Variants in RGS9 observed in about 807,000 individuals in gnomAD.
RGS9 encodes the protein regulator of G protein signaling 9, also known as regulator of G-protein signalling 9.
RGS9 carries 78 observed loss-of-function variants against 102.0 expected under a neutral mutation model. That is an observed-to-expected ratio of 0.76 (90% CI 0.64 to 0.92). RGS9 has a LOEUF of 0.92. Among genes scored for constraint, RGS9 ranks in the 40% least tolerant of loss-of-function variants. The pLI, the probability that RGS9 is intolerant of heterozygous loss-of-function variation, is 0.00. For synonymous variants in RGS9, 353 were observed against 318.6 expected (o/e 1.11, Z -1.15); for missense variants, 833 against 866.1 (o/e 0.96, Z 0.48).
intron 17 of RGS9, among the ~76,000 whole-genome samples, chr17:65,214,073 C>T (rs1444492440): frequency 2.6e-5 from 4 of 152,166 alleles, no homozygotes; most frequent in African/African-American, 9.7e-5. Context: ...GCAATTCGCT[C>T]ATCTCAGCTT....
intron 1 of RGS9, among the ~76,000 whole-genome samples, chr17:65,144,579 G>A (rs776093883): frequency 1.3e-5 from 2 of 152,228 alleles, no homozygotes; most frequent in Non-Finnish European, 2.9e-5. Flanking sequence ...CGGGGCTGAT[G>A]CTTTGTCTTG....
chr17:65,215,021 G>A (rs1476888502), intron 17 of RGS9, among the ~76,000 whole-genome samples: 1 of 152,188 alleles, frequency 6.6e-6, no homozygotes, highest in East Asian at 1.9e-4. Context: ...CCTTAAAAAG[G>A]AGAGTTAGTG....
chr17:65,199,347 A>G (rs1406762725), intron 13 of RGS9, among the ~76,000 whole-genome samples: 4 of 151,948 alleles, frequency 2.6e-5, no homozygotes, highest in Non-Finnish European at 5.9e-5. Context: ...CCACAAATCT[A>G]CTTTCTACCC....
At chr17:65,159,797 G>T (rs568445776) in intron 3 of RGS9, among the ~76,000 whole-genome samples, 1 of 152,286 alleles carries the variant, frequency 6.6e-6, no homozygotes, top group East Asian at 1.9e-4. Context: ...ATAGAAGTTG[G>T]CAATAAACAT....
chr17:65,165,306 A>T (rs1305511368), intron 7 of RGS9, among the ~76,000 whole-genome samples: 1 of 152,166 alleles, frequency 6.6e-6, no homozygotes, highest in Admixed American at 6.5e-5. Flanking sequence ...GTCCTGGGAC[A>T]TTCCCCTCTT....
chr17:65,224,930 G>A, intron 17 of RGS9, 72 bp from the exon 18 acceptor site: 1 of 1,597,608 alleles, frequency 6.3e-7, no homozygotes, highest in Non-Finnish European at 8.5e-7. Flanking sequence ...AGTTAGCAGA[G>A]GACAGCCCAG....
At position 65,225,336 on chromosome 17, in the gene RGS9, C is replaced by T. The variant is rs963840071; in HGVS notation, c.1742C>T (p.Ser581Phe). 1.9e-6 allele frequency: 3 copies of T among 1,611,354 alleles called. No homozygotes were observed. The highest frequency in any genetic ancestry group is 1.7e-6 in the Non-Finnish European group (2 of 1,180,026). Residue 581 changes from serine to phenylalanine, a missense_variant, in exon 18 of 19, where the codon TCC (serine) becomes TTC (phenylalanine). Around this residue, in one of 3 missense-constraint regions of RGS9, gnomAD observed 320 missense variants for 276.8 expected, o/e 1.16. Coordinates refer to ENST00000262406, the MANE Select transcript of RGS9 (RefSeq NM_003835.4). The part of the protein sequence containing the change: ...RAPPKARMAL[S>F]FSRFLRRGCL... ...CCTCCTAAGGCCCGCATGGCTCTGTCCTTCAGCAGGTTTCTGAGACGAGGC... is the reference window on the plus strand; with the variant it reads ...CCTCCTAAGGCCCGCATGGCTCTGTTCTTCAGCAGGTTTCTGAGACGAGGC...
chr17:65,219,348 C>G (rs1913621115), intron 17 of RGS9, among the ~76,000 whole-genome samples: 1 of 152,212 alleles, frequency 6.6e-6, no homozygotes, highest in South Asian at 2.1e-4. Context: ...GTGGCTGCTG[C>G]TATTGTTCCA....
chr17:65,177,771 G>A lies in RGS9; in HGVS notation c.622G>A (p.Val208Met). Residue 208 changes from valine to methionine, a missense_variant, in exon 9 of 19, where the codon GTG becomes ATG. This residue lies in a region of RGS9 where 328 missense variants were observed against 340.6 expected (regional missense o/e 0.96). Coordinates refer to ENST00000262406, the MANE Select transcript of RGS9 (RefSeq NM_003835.4). ...DNVLDYGLDR[V>M]TNPNEVKVNQ... ...TGTGCTGGACTACGGCCTGGACCGA[G>A]TGACCAATCCGAATGAAGTCAAGGT... 1 of 1,614,226 alleles carries A rather than the reference G, an allele frequency of 6.2e-7. No individual in the cohort carries two copies. The highest frequency in any genetic ancestry group is 8.5e-7 in the Non-Finnish European group (1 of 1,180,034).
chr17:65,174,067 G>A (rs1911521113), intron 8 of RGS9, among the ~76,000 whole-genome samples: 1 of 152,196 alleles, frequency 6.6e-6, no homozygotes, highest in Non-Finnish European at 1.5e-5. Context: ...GTTGGGGCTG[G>A]AACTGGACAG....
intron 15 of RGS9, among the ~76,000 whole-genome samples, chr17:65,207,710 A>C (rs1245727696): frequency 6.6e-6 from 1 of 152,148 alleles, no homozygotes; most frequent in African/African-American, 2.4e-5. Context: ...GGCAGGCCTG[A>C]GAAGTTCCCA....
rs781307223 is a variant in RGS9 at position 65,153,467 on chromosome 17, C to T, written c.103C>T (p.Arg35Ter). 11 of 1,614,004 alleles carry T rather than the reference C, an allele frequency of 6.8e-6. No individual in the cohort carries two copies. The highest frequency in any genetic ancestry group is 2.2e-5 in the East Asian group (1 of 44,892). Residue 35 changes from arginine to a stop codon, truncating the protein, a stop_gained, in exon 2 of 19, where the codon CGA becomes TGA. Coordinates refer to ENST00000262406, the MANE Select transcript of RGS9 (RefSeq NM_003835.4). LOFTEE classifies it high-confidence loss of function. ...KDMQNPETGV[R>*]MQNQRVLVTS... ...CATGCAGAACCCAGAGACAGGGGTC[C>T]GAATGCAGAACCAGAGGGTCCTGGT...
chr17:65,197,416 T>G (rs567951830), intron 13 of RGS9, among the ~76,000 whole-genome samples, 175 bp downstream of exon 13: 2 of 152,284 alleles, frequency 1.3e-5, no homozygotes, highest in African/African-American at 4.8e-5. Context: ...CCAAGACTCG[T>G]TCTTTCCATA....
chr17:65,157,550 T>C (rs1910812424), intron 2 of RGS9, among the ~76,000 whole-genome samples: 1 of 152,032 alleles, frequency 6.6e-6, no homozygotes, highest in African/African-American at 2.4e-5. Flanking sequence ...CCGCCTCTCC[T>C]GCTGTTTTTC....
Position 65,150,114 on chromosome 17 carries a change from G to T in RGS9, c.58-3308G>T, listed in dbSNP as rs903239247. 2.6e-5 allele frequency among the ~76,000 whole-genome samples: 4 copies of T among 152,176 alleles called. No homozygotes were observed. In the East Asian group the frequency reaches 7.7e-4, roughly 29 times the overall value. ...AATGGCGGGAATGTGGACAGACTTGGTGTGAGAGCAGCCATCCACGTTGAT... is the reference window on the plus strand; with the variant it reads ...AATGGCGGGAATGTGGACAGACTTGTTGTGAGAGCAGCCATCCACGTTGAT... On this transcript the variant is annotated intron_variant, in intron 1 of 18. Transcript: ENST00000262406.
intron 1 of RGS9, among the ~76,000 whole-genome samples, chr17:65,141,132 A>T (rs1277859121): frequency 6.6e-6 from 1 of 152,214 alleles, no homozygotes; most frequent in Non-Finnish European, 1.5e-5. Flanking sequence ...CCCGCCGGCC[A>T]TGCTGCTTCC....
Position 65,174,307 on chromosome 17 carries a change from G to A in RGS9, c.583-3425G>A, listed in dbSNP as rs888234037. Among the ~76,000 whole-genome samples the A allele has an allele frequency of 1.2e-4, 18 of 152,236 alleles. 1 individual carries two copies. The highest frequency in any genetic ancestry group is 4.4e-5 in the Non-Finnish European group (3 of 68,046). On this transcript the variant is annotated intron_variant, in intron 8 of 18. Transcript: ENST00000262406. ...CACCGAAGTCACCGAGGCAGTGAGC[G>A]CCTGTGGAATAGCAGCCAGACACTG...
intron 15 of RGS9, 146 bp from the exon 16 acceptor site, chr17:65,207,776 C>G (rs1913125315): frequency 1.7e-6 from 1 of 600,096 alleles, no homozygotes; most frequent in Admixed American, 2.3e-5. Flanking sequence ...CTCTCAACAC[C>G]TCCCCCAACA....
rs1909947133 is a variant in RGS9, at chr17:65,137,421, C to A, written c.-120C>A. On this transcript the variant is annotated 5_prime_UTR_variant, in exon 1 of 19. Transcript: ENST00000262406. ...GGGGGCCCGGCCCGCGCCCTCCCCG[C>A]CCAGCCGCCTCCCCGTCGACGCCCA... 2.0e-6 allele frequency: 2 copies of A among 1,018,832 alleles called. No individual in the cohort carries two copies. The highest frequency in any genetic ancestry group is 1.6e-5 in the African/African-American group (1 of 63,386). 63.1% of individuals were successfully genotyped at this position (1,018,832 alleles called of 1,614,324 possible).
Sources: allele counts gnomAD v4.1 joint callset (sites outside exome capture counted in the v4.1 genomes callset), GRCh38; gene constraint gnomAD v4.1.1; regional missense constraint gnomAD v4.1.1; transcripts MANE v1.5; gene names NCBI Gene and HGNC (gene_info 2026-07-23, HGNC 2026-07-21).